ABLIM3: variants seen among roughly 807,000 people sequenced by gnomAD.
The protein encoded by ABLIM3 is actin-binding LIM protein 3.
ABLIM3 carries 61 observed loss-of-function variants against 109.5 expected under a neutral mutation model. The observed-to-expected ratio is 0.56, with a 90% CI of 0.45 to 0.69. The LOEUF is 0.69. ABLIM3 is among the 30% of genes least tolerant of loss of function. The pLI is 0.00. For missense variants in ABLIM3, 796 were observed against 889.5 expected, an observed-to-expected ratio of 0.89 and a Z score of 1.34; for synonymous variants, 300 against 324.8, an observed-to-expected ratio of 0.92 and a Z score of 0.82.
chr5:149,141,523 A>G lies in ABLIM3; in HGVS notation c.-219A>G, dbSNP rs1057152980. The G allele has an allele frequency of 2.6e-5, 4 of 152,520 alleles. No homozygotes were observed. The highest frequency in any genetic ancestry group is 9.7e-5 in the African/African-American group (4 of 41,306). The allele number at this position is 152,520 out of a possible 1,614,324, so 9.4% of individuals were successfully genotyped here. On this transcript the variant is annotated 5_prime_UTR_variant, in exon 1 of 24. Coordinates refer to ENST00000309868, the MANE Select transcript of ABLIM3 (RefSeq NM_014945.5). ...CTGCGCTGCCAACCCGCGAGCCCGC[A>G]TCATGGATGTCGAGCTCCCCTATTT...
At chr5:149,233,628 T>C (rs1304294457) in intron 10 of ABLIM3, among the ~76,000 whole-genome samples, 1 of 152,122 alleles carries the variant, frequency 6.6e-6, no homozygotes, top group African/African-American at 2.4e-5. Flanking sequence ...TCCCACTACT[T>C]AACTGAGAGC....
intron 3 of ABLIM3, among the ~76,000 whole-genome samples, chr5:149,191,442 A>C (rs959411701): frequency 6.6e-6 from 1 of 152,140 alleles, no homozygotes; most frequent in Non-Finnish European, 1.5e-5. Context: ...TGTAGTTAAA[A>C]CTCTTCTACG....
chr5:149,248,929 G>C (rs1406274128), intron 18 of ABLIM3, among the ~76,000 whole-genome samples: 2 of 151,180 alleles, frequency 1.3e-5, no homozygotes, highest in African/African-American at 4.9e-5. Flanking sequence ...TCTTACTCCT[G>C]TGAGATGCAG....
chr5:149,173,739 C>A (rs1755656415), intron 2 of ABLIM3, among the ~76,000 whole-genome samples: 1 of 151,076 alleles, frequency 6.6e-6, no homozygotes, highest in Non-Finnish European at 1.5e-5. Flanking sequence ...GAAGTAGGAA[C>A]CGCCGGGCGC....
At chr5:149,188,803 C>A (rs896290401) in intron 3 of ABLIM3, among the ~76,000 whole-genome samples, 2 of 152,128 alleles carry the variant, frequency 1.3e-5, no homozygotes, top group African/African-American at 4.8e-5. Context: ...GAATTCAGTC[C>A]ATAGAAAATG....
chr5:149,195,212 G>A (rs1292891076), intron 3 of ABLIM3, among the ~76,000 whole-genome samples: 1 of 152,208 alleles, frequency 6.6e-6, no homozygotes, highest in East Asian at 1.9e-4. Context: ...CAGCACTTGA[G>A]TGCTAGAACA....
intron 8 of ABLIM3, among the ~76,000 whole-genome samples, chr5:149,225,687 C>A (rs73268096): frequency 0.012 from 1,762 of 152,132 alleles, 31 homozygotes; most frequent in African/African-American, 0.039. Context: ...AATTTGTAGT[C>A]TTTTATCCCC....
chr5:149,239,610 G>A, intron 12 of ABLIM3, 149 bp from the exon 13 acceptor site: 1 of 1,146,054 alleles, frequency 8.7e-7, no homozygotes. Context: ...CGGGCTGTGT[G>A]TGTAACTCAG....
rs1156566673 is a variant in ABLIM3, at chr5:149,259,531, G to A, written c.*1127G>A. 10 of 1,536,140 alleles carry A rather than the reference G, an allele frequency of 6.5e-6. No homozygotes were observed. In the East Asian group the frequency reaches 2.4e-4, roughly 38 times the overall value. On this transcript the variant is annotated 3_prime_UTR_variant, in exon 24 of 24. Coordinates refer to ENST00000309868, the MANE Select transcript of ABLIM3 (RefSeq NM_014945.5). ...AGTCCTCGGCTCCTGCTGCAAAGTT[G>A]GCCATGTTTCACAGGGAAACTTTTG...
chr5:149,238,397 C>T (rs1395443755), intron 11 of ABLIM3, among the ~76,000 whole-genome samples: 1 of 152,146 alleles, frequency 6.6e-6, no homozygotes, highest in Non-Finnish European at 1.5e-5. Flanking sequence ...TCCCTTCCTC[C>T]CTAAGGGATT....
At chr5:149,211,822 G>A (rs925644482) in intron 7 of ABLIM3, among the ~76,000 whole-genome samples, 2 of 152,134 alleles carry the variant, frequency 1.3e-5, no homozygotes, top group African/African-American at 4.8e-5. Flanking sequence ...GGGCCCTGAG[G>A]TGGGAAAAGA....
chr5:149,175,135 G>A (rs1038691725), intron 2 of ABLIM3, among the ~76,000 whole-genome samples: 3 of 152,208 alleles, frequency 2.0e-5, no homozygotes, highest in African/African-American at 7.2e-5. Flanking sequence ...CCCTAGGGAT[G>A]TTTCCCCTTC....
rs1756645498 is a variant in ABLIM3, at chr5:149,183,432, T to G, written c.14-20T>G. 1 of 1,503,692 alleles carries G rather than the reference T, an allele frequency of 6.7e-7. No homozygotes were observed. Among genetic ancestry groups the G allele is most frequent in the Non-Finnish European group, 8.9e-7 (1 of 1,124,738 alleles). 93.1% of individuals were successfully genotyped at this position (1,503,692 alleles called of 1,614,324 possible). On this transcript the variant is annotated intron_variant, in intron 2 of 23. Coordinates refer to ENST00000309868, the MANE Select transcript of ABLIM3 (RefSeq NM_014945.5). ...AAGAATCAGGGCCTCTGGATAGTGA[T>G]CTCTTTGTTTCTTTTACAGTTCCTT...
At chr5:149,182,869 A>C (rs1025860048) in intron 2 of ABLIM3, among the ~76,000 whole-genome samples, 1 of 152,170 alleles carries the variant, frequency 6.6e-6, no homozygotes, top group Non-Finnish European at 1.5e-5. Context: ...CTTTGAGATA[A>C]GTTCCCTTGT....
Position 149,210,819 on chromosome 5 carries a change from G to A in ABLIM3, c.669G>A (p.Glu223=), listed in dbSNP as rs769279693. Reference sequence around the variant, plus strand: ...GATACATCAGTGGCAGAGTCTTGGAGGTGAGTGGGTATAAGTAACCGTGAA... The same window carrying A: ...GATACATCAGTGGCAGAGTCTTGGAAGTGAGTGGGTATAAGTAACCGTGAA... ...CDRYISGRVL[E]AGGKHYHPTC... is the part of the protein sequence containing the mutation. Residue 223 remains glutamate, a splice_region_variant and synonymous_variant, in exon 7 of 24, where the codon GAG becomes GAA. Coordinates refer to ENST00000309868, the MANE Select transcript of ABLIM3 (RefSeq NM_014945.5). 6.2e-7 allele frequency: 1 copy of A among 1,613,800 alleles called. No homozygotes were observed. The highest frequency in any genetic ancestry group is 1.7e-5 in the Admixed American group (1 of 60,004).
At chr5:149,241,450 G>A (rs1452987999) in intron 14 of ABLIM3, among the ~76,000 whole-genome samples, 1 of 152,174 alleles carries the variant, frequency 6.6e-6, no homozygotes, top group Non-Finnish European at 1.5e-5. Flanking sequence ...TCTTGGAGGA[G>A]GTAACATTAA....
intron 2 of ABLIM3, among the ~76,000 whole-genome samples, chr5:149,178,962 C>T (rs969897414): frequency 6.6e-6 from 1 of 152,034 alleles, no homozygotes; most frequent in Non-Finnish European, 1.5e-5. Flanking sequence ...GAATTGGAAC[C>T]CAGGTTACCC....
At chr5:149,240,316 CA>C (rs1209493083) in intron 13 of ABLIM3, among the ~76,000 whole-genome samples, 4 of 152,154 alleles carry the variant, frequency 2.6e-5, no homozygotes, top group African/African-American at 9.7e-5. Context: ...GTGATGCCAG[CA>C]CTTGGATGGA....
chr5:149,171,327 C>T (rs1258651883), intron 2 of ABLIM3, among the ~76,000 whole-genome samples: 1 of 152,080 alleles, frequency 6.6e-6, no homozygotes, highest in Non-Finnish European at 1.5e-5. Flanking sequence ...TATAGTAAGC[C>T]TTTTCTTATT....
Sources: gnomAD v4.1 joint callset for allele counts (sites outside exome capture counted in the v4.1 genomes callset) on GRCh38, gnomAD v4.1.1 for gene constraint, MANE v1.5 for transcripts, NCBI Gene and HGNC (gene_info 2026-07-23, HGNC 2026-07-21) for gene names.